NEDD4L: variants seen among roughly 807,000 people sequenced by gnomAD.
NEDD4L encodes the protein E3 ubiquitin-protein ligase NEDD4-like.
A neutral mutation model predicts 148.9 loss-of-function variants in NEDD4L; 54 were observed. The ratio of observed to expected loss-of-function variants is 0.36; its 90% confidence interval spans 0.29 to 0.45. The LOEUF (loss-of-function observed/expected upper bound fraction) is 0.45. Among genes scored for constraint, NEDD4L ranks in the 20% least tolerant of loss-of-function variants. The pLI is 1.00. For synonymous variants in NEDD4L, 433 were observed against 440.7 expected (o/e 0.98, Z 0.22); for missense variants, 856 against 1,233.8 (o/e 0.69, Z 4.59).
rs373720887 is a variant in NEDD4L at position 58,329,125 on chromosome 18, G to A, written c.811G>A (p.Glu271Lys). The A allele has an allele frequency of 9.3e-6, 15 of 1,613,556 alleles. No individual in the cohort carries two copies. The highest frequency in any genetic ancestry group is 2.7e-5 in the African/African-American group (2 of 74,938). Residue 271 changes from glutamate to lysine, a missense_variant and splice_region_variant, in exon 10 of 31, where the codon GAG becomes AAG. By Grantham distance (56) the Glu-to-Lys change is moderately conservative. Coordinates refer to ENST00000400345, the MANE Select transcript of NEDD4L (RefSeq NM_001144967.3). ...PEPSEGGDVP[E>K]PWETISEEVN... is the part of the protein sequence containing the mutation. Reference sequence around the variant, plus strand: ...GCCCTCGGAGGGCGGGGATGTCCCCGAGGTACGATGTCCCCAGAATGGTGC... The same window carrying A: ...GCCCTCGGAGGGCGGGGATGTCCCCAAGGTACGATGTCCCCAGAATGGTGC...
intron 5 of NEDD4L, among the ~76,000 whole-genome samples, chr18:58,260,073 A>C (rs2049156086): frequency 6.6e-6 from 1 of 152,168 alleles, no homozygotes; most frequent in Non-Finnish European, 1.5e-5. Flanking sequence ...ATAACAACAC[A>C]GGAGGCGAAG....
At chr18:58,371,359 T>C (rs1161920301) in intron 23 of NEDD4L, among the ~76,000 whole-genome samples, 2 of 152,038 alleles carry the variant, frequency 1.3e-5, no homozygotes, top group African/African-American at 4.8e-5. Context: ...AGCACGGATT[T>C]GCTATAAAAC....
At chr18:58,228,314 T>C (rs2044621171) in intron 2 of NEDD4L, among the ~76,000 whole-genome samples, 1 of 152,224 alleles carries the variant, frequency 6.6e-6, no homozygotes, top group African/African-American at 2.4e-5. Flanking sequence ...CCAGGAAGCC[T>C]TCCCAGAGGC....
chr18:58,338,097 A>T (rs993989565), intron 13 of NEDD4L, among the ~76,000 whole-genome samples: 2 of 152,232 alleles, frequency 1.3e-5, no homozygotes, highest in African/African-American at 4.8e-5. Context: ...TGCAGTTTAC[A>T]ATCGTGTTCT....
intron 2 of NEDD4L, among the ~76,000 whole-genome samples, chr18:58,186,709 AC>A (rs2039519589): frequency 6.6e-6 from 1 of 152,258 alleles, no homozygotes; most frequent in Non-Finnish European, 1.5e-5. Context: ...TGCTGAAGTC[AC>A]AGCAGACTTA....
rs2059730890 is a variant in NEDD4L, at chr18:58,330,835, C to T, written c.911C>T (p.Pro304Leu). ...PPASPGSRTS[P>L]QELSEELSRR... is the part of the protein sequence containing the mutation. ...GCCTCCCCAGGATCTCGGACCAGCC[C>T]TCAGGAGCTGTCAGAGGAACTAAGC... The change falls in exon 11 of 31, where the codon CCT becomes CTT. Residue 304 changes from proline to leucine, a missense_variant. This residue lies in a region of NEDD4L where 367 missense variants were observed against 422.7 expected (regional missense o/e 0.87). Coordinates refer to ENST00000400345, the MANE Select transcript of NEDD4L (RefSeq NM_001144967.3). The T allele has an allele frequency of 2.5e-6, 4 of 1,613,956 alleles. No individual in the cohort carries two copies. Among genetic ancestry groups the T allele is most frequent in the Non-Finnish European group, 1.7e-6 (2 of 1,179,866 alleles).
Position 58,298,157 on chromosome 18 carries a change from G to A in NEDD4L, c.298-17825G>A, listed in dbSNP as rs140977369. Among the ~76,000 whole-genome samples, 56 of 152,182 alleles carry A rather than the reference G, an allele frequency of 3.7e-4. No individual in the cohort carries two copies. The East Asian group carries it at 7.9e-3, about 22-fold the overall frequency. On this transcript the variant is annotated intron_variant, in intron 5 of 30. Coordinates refer to ENST00000400345, the MANE Select transcript of NEDD4L (RefSeq NM_001144967.3). The stretch of plus-strand genomic sequence containing the variant: ...TGAATCTATGATAATATGCCCTACC[G>A]TTTTGGGTAATTTAAATTTATGCTA...
At chr18:58,367,620 A>T (rs1601761748) in intron 21 of NEDD4L, 126 bp from the exon 22 acceptor site, 5 of 1,009,540 alleles carry the variant, frequency 5.0e-6, no homozygotes, top group Non-Finnish European at 7.4e-6. Flanking sequence ...TAGCCCACAC[A>T]TTTTCCCACT....
At chr18:58,113,586 G>T (rs770145061) in intron 1 of NEDD4L, among the ~76,000 whole-genome samples, 3 of 152,282 alleles carry the variant, frequency 2.0e-5, no homozygotes, top group Non-Finnish European at 4.4e-5. Context: ...ACTCTGGCAG[G>T]TTAGAGTAAC....
At chr18:58,394,673 T>G (rs2050254650) in intron 30 of NEDD4L, among the ~76,000 whole-genome samples, 1 of 152,232 alleles carries the variant, frequency 6.6e-6, no homozygotes, top group African/African-American at 2.4e-5. Context: ...ATTCTCTGTC[T>G]TTTAGTGTTT....
At chr18:58,350,728 C>T (rs1230841956) in intron 17 of NEDD4L, among the ~76,000 whole-genome samples, 1 of 152,172 alleles carries the variant, frequency 6.6e-6, no homozygotes, top group African/African-American at 2.4e-5. Context: ...TGCGGTTTCC[C>T]TTTGAAGCTT....
At chr18:58,130,999 A>G (rs1373101128) in intron 1 of NEDD4L, among the ~76,000 whole-genome samples, 14 of 74,192 alleles carry the variant, frequency 1.9e-4, no homozygotes, top group East Asian at 8.5e-4. Context: ...GGTTTGGTTG[A>G]CTGTGATCTA....
At chr18:58,347,205 G>GCCCCCCCCCCCCCCCCCCCCCCCCCC (rs138430099) in intron 16 of NEDD4L, among the ~76,000 whole-genome samples, 2 of 39,588 alleles carry the variant, frequency 5.1e-5, no homozygotes, top group African/African-American at 1.4e-4. Context: ...TCACGCTACG[G>GCCCCCCCCCCCCCCCCCCCCCCCCCC]CCCCCCCCGC....
chr18:58,150,065 A>C (rs1282599341), intron 1 of NEDD4L, among the ~76,000 whole-genome samples: 1 of 152,120 alleles, frequency 6.6e-6, no homozygotes, highest in Non-Finnish European at 1.5e-5. Context: ...GTTTTAGAAT[A>C]TTTTTTGTTT....
chr18:58,190,731 G>A (rs2147175874), intron 2 of NEDD4L, among the ~76,000 whole-genome samples: 1 of 152,266 alleles, frequency 6.6e-6, no homozygotes, highest in Middle Eastern at 3.4e-3. Flanking sequence ...AGATATTAAA[G>A]TTACCTCTTT....
At chr18:58,376,918 G>T (rs2047639712) in intron 24 of NEDD4L, among the ~76,000 whole-genome samples, 1 of 152,120 alleles carries the variant, frequency 6.6e-6, no homozygotes, top group African/African-American at 2.4e-5. Context: ...TCCATCTGTT[G>T]GGAGCATACT....
intron 5 of NEDD4L, among the ~76,000 whole-genome samples, chr18:58,264,247 G>A (rs1194018324): frequency 6.6e-6 from 1 of 152,064 alleles, no homozygotes; most frequent in African/African-American, 2.4e-5. Flanking sequence ...CAAATGCCAA[G>A]GCTAAGGACA....
At chr18:58,149,477 C>T (rs1048290917) in intron 1 of NEDD4L, 1 of 1,550,086 alleles carries the variant, frequency 6.5e-7, no homozygotes, top group Non-Finnish European at 8.7e-7. Flanking sequence ...ACTTGCTCTG[C>T]CCTTGAGTTT....
At chr18:58,095,120 CATT>C (rs1201830053) in intron 1 of NEDD4L, among the ~76,000 whole-genome samples, 1 of 152,166 alleles carries the variant, frequency 6.6e-6, no homozygotes, top group Non-Finnish European at 1.5e-5. Context: ...AAGAGGTTCT[CATT>C]GTTTTATTCC....
Sources: allele counts gnomAD v4.1 joint callset (sites outside exome capture counted in the v4.1 genomes callset), GRCh38; gene constraint gnomAD v4.1.1; regional missense constraint gnomAD v4.1.1; transcripts MANE v1.5; gene names NCBI Gene and HGNC (gene_info 2026-07-23, HGNC 2026-07-21).